The following FAM13A variants were observed in gnomAD, a reference collection of about 807,000 sequenced individuals.
FAM13A encodes the protein family with sequence similarity 13 member A.
In FAM13A, 76 loss-of-function variants were observed where a neutral mutation model predicts 129.6. The ratio of observed to expected loss-of-function variants is 0.59; its 90% CI spans 0.49 to 0.71. The LOEUF (loss-of-function observed/expected upper bound fraction) is 0.71. FAM13A is among the 30% of genes least tolerant of loss of function. FAM13A has a pLI of 0.00. For synonymous variants in FAM13A, 443 were observed against 449.9 expected (o/e 0.98, Z 0.20); for missense variants, 1,108 against 1,249.3 (o/e 0.89, Z 1.70).
chr4:88,968,777 GA>G (rs1175645714), intron 4 of FAM13A, among the ~76,000 whole-genome samples: 4 of 151,944 alleles, frequency 2.6e-5, no homozygotes, highest in Non-Finnish European at 5.9e-5. Flanking sequence ...ATCATTGCCT[GA>G]ATTTTTTTTA....
chr4:89,045,319 G>A (rs930482922), intron 1 of FAM13A, among the ~76,000 whole-genome samples: 4 of 152,046 alleles, frequency 2.6e-5, no homozygotes, highest in African/African-American at 9.7e-5. Flanking sequence ...GGGGCAGAGA[G>A]GAAATGAGGA....
At chr4:88,900,696 C>G (rs1487440503) in intron 6 of FAM13A, among the ~76,000 whole-genome samples, 1 of 152,086 alleles carries the variant, frequency 6.6e-6, no homozygotes, top group Non-Finnish European at 1.5e-5. Flanking sequence ...CAAAACCACA[C>G]TGAAGTACAC....
intron 5 of FAM13A, among the ~76,000 whole-genome samples, chr4:88,920,316 G>A (rs1750841132): frequency 6.6e-6 from 1 of 152,118 alleles, no homozygotes; most frequent in Admixed American, 6.5e-5. Context: ...GGGGCAAACT[G>A]ACACCTCACA....
chr4:88,931,843 T>C (rs1334858915), intron 5 of FAM13A, among the ~76,000 whole-genome samples: 1 of 152,200 alleles, frequency 6.6e-6, no homozygotes, highest in Non-Finnish European at 1.5e-5. Context: ...TGATAACATA[T>C]AGATTTTGGT....
intron 6 of FAM13A, among the ~76,000 whole-genome samples, chr4:88,864,643 A>G (rs1740073238): frequency 6.6e-6 from 1 of 151,898 alleles, no homozygotes; most frequent in African/African-American, 2.4e-5. Context: ...TCCTGACCTC[A>G]TGATCTGCCT....
chr4:88,916,963 T>G (rs866977019), intron 5 of FAM13A, among the ~76,000 whole-genome samples: 1 of 152,224 alleles, frequency 6.6e-6, no homozygotes, highest in Non-Finnish European at 1.5e-5. Flanking sequence ...TTAAAGCTCA[T>G]AGAATACCAG....
chr4:88,839,001 TC>T (rs1735343493), intron 7 of FAM13A, among the ~76,000 whole-genome samples: 1 of 152,174 alleles, frequency 6.6e-6, no homozygotes, highest in Admixed American at 6.5e-5. Flanking sequence ...TTACTTGTGT[TC>T]TCTCTATATA....
At chr4:88,914,002 CA>C (rs912427920) in intron 5 of FAM13A, among the ~76,000 whole-genome samples, 10 of 118,302 alleles carry the variant, frequency 8.5e-5, no homozygotes, top group African/African-American at 1.3e-4. Context: ...GACTCCGTCT[CA>C]AAAAAAAAAG....
chr4:89,006,708 G>A (rs543777959), intron 3 of FAM13A, among the ~76,000 whole-genome samples: 6 of 152,200 alleles, frequency 3.9e-5, no homozygotes, highest in South Asian at 2.1e-4. Context: ...TGGCAACCAG[G>A]AAGAGTCAGG....
chr4:88,791,314 TA>T (rs1162138708), intron 8 of FAM13A, among the ~76,000 whole-genome samples: 2 of 152,158 alleles, frequency 1.3e-5, no homozygotes, highest in Non-Finnish European at 2.9e-5. Flanking sequence ...TGAATTCTTT[TA>T]AAAGTATTGA....
At chr4:89,014,203 G>A (rs1412433433) in intron 3 of FAM13A, among the ~76,000 whole-genome samples, 1 of 152,152 alleles carries the variant, frequency 6.6e-6, no homozygotes, top group Non-Finnish European at 1.5e-5. Flanking sequence ...GATGCAGTAG[G>A]AACGCACTCA....
chr4:89,015,946 A>G (rs1766425248), intron 3 of FAM13A, among the ~76,000 whole-genome samples: 1 of 152,190 alleles, frequency 6.6e-6, no homozygotes, highest in Non-Finnish European at 1.5e-5. Flanking sequence ...ATTATAACAC[A>G]GACTCATACA....
intron 9 of FAM13A, 69 bp downstream of exon 9, chr4:88,790,517 T>G: frequency 2.4e-6 from 3 of 1,259,368 alleles, no homozygotes; most frequent in Non-Finnish European, 2.3e-6. Flanking sequence ...TTTTTTTCTG[T>G]TTAATAAGTG....
chr4:88,728,724 C>A, intron 23 of FAM13A, 65 bp from the exon 24 acceptor site: 2 of 1,568,710 alleles, frequency 1.3e-6, no homozygotes, highest in South Asian at 1.1e-5. Context: ...TACTATTCAT[C>A]GGGCAAATTA....
intron 3 of FAM13A, among the ~76,000 whole-genome samples, chr4:89,006,900 C>T (rs1360832163): frequency 6.6e-6 from 1 of 152,212 alleles, no homozygotes; most frequent in Non-Finnish European, 1.5e-5. Flanking sequence ...GTCTCAGACA[C>T]TCAGTCGCTT....
At chr4:88,993,284 A>G (rs1299002696) in intron 3 of FAM13A, among the ~76,000 whole-genome samples, 1 of 152,252 alleles carries the variant, frequency 6.6e-6, no homozygotes. Flanking sequence ...AAAATAAACA[A>G]ATAATGAACC....
At chr4:88,799,875 C>T (rs1357261338) in intron 8 of FAM13A, among the ~76,000 whole-genome samples, 1 of 152,214 alleles carries the variant, frequency 6.6e-6, no homozygotes, top group Non-Finnish European at 1.5e-5. Flanking sequence ...CAGCATTATT[C>T]ACAATGCCCA....
At chr4:88,936,650 T>A (rs1753893220) in intron 5 of FAM13A, 1 of 152,596 alleles carries the variant, frequency 6.6e-6, no homozygotes. Context: ...CCCATTGGCA[T>A]ATTCCAGCAA....
At chr4:88,768,760 C>T (rs571063737) in intron 11 of FAM13A, among the ~76,000 whole-genome samples, 44 of 152,090 alleles carry the variant, frequency 2.9e-4, no homozygotes, top group African/African-American at 1.1e-3. Context: ...AAAGTAAAGA[C>T]AGAAAACCTA....
Sources: allele counts gnomAD v4.1 joint callset (sites outside exome capture counted in the v4.1 genomes callset), GRCh38; gene constraint gnomAD v4.1.1; transcripts MANE v1.5; gene names NCBI Gene and HGNC (gene_info 2026-07-23, HGNC 2026-07-21).